NCOA2: variants seen among roughly 807,000 people sequenced by gnomAD.
NCOA2 encodes the protein nuclear receptor coactivator 2, also known as class E basic helix-loop-helix protein 75.
NCOA2 carries 21 observed loss-of-function variants against 145.1 expected under a neutral mutation model. The ratio of observed to expected loss-of-function variants is 0.14; its 90% CI spans 0.10 to 0.21. The LOEUF (loss-of-function observed/expected upper bound fraction) is 0.21, where lower values mean the gene tolerates loss of function less well. Ranked by LOEUF, NCOA2 falls within the 10% of genes least tolerant of loss-of-function variation. NCOA2 has a pLI of 1.00. For synonymous variants in NCOA2, 619 were observed against 637.5 expected (o/e 0.97, Z 0.44); for missense variants, 1,472 against 1,837.6 (o/e 0.80, Z 3.64).
chr8:70,163,765 T>A (rs533315202), intron 7 of NCOA2, among the ~76,000 whole-genome samples, 199 bp from the exon 8 acceptor site: 39 of 152,218 alleles, frequency 2.6e-4, no homozygotes, highest in African/African-American at 8.9e-4. Flanking sequence ...GGAGGGTGGC[T>A]GTGTAAGGAG....
the NCOA2 span, among the ~76,000 whole-genome samples, chr8:70,415,106 T>C: frequency 6.6e-6 from 1 of 152,156 alleles, no homozygotes; most frequent in Non-Finnish European, 1.5e-5. Context: ...AGTTTGAGGC[T>C]AGCCTGGGCA....
At chr8:70,420,503 G>A in the NCOA2 span, among the ~76,000 whole-genome samples, 1 of 152,104 alleles carries the variant, frequency 6.6e-6, no homozygotes, top group Non-Finnish European at 1.5e-5. Context: ...ATGTTCTAAG[G>A]GGCATGAAAA....
rs193148742 is a variant in NCOA2 at position 70,149,077 on chromosome 8, G to A, written c.2395-594C>T. On this transcript the variant is annotated intron_variant, in intron 11 of 22. Transcript: ENST00000452400. ...AAGCACTGCCTTTTCAATTTGAGTA[G>A]TCCTTTTTTTCTGCTTGGACTTTCA... Among the ~76,000 whole-genome samples the A allele has an allele frequency of 4.0e-5, 6 of 151,826 alleles. No homozygotes were observed. The East Asian group carries it at 1.2e-3, about 29-fold the overall frequency.
chr8:70,262,747 A>G (rs1824244633), intron 2 of NCOA2, among the ~76,000 whole-genome samples: 1 of 152,214 alleles, frequency 6.6e-6, no homozygotes. Flanking sequence ...CCTTGATGCA[A>G]TAGAGATTGT....
Position 70,159,242 on chromosome 8 carries a change from A to ATATATTTTT in NCOA2, c.1124+262_1124+263insAAAAATATA. ...TAACATTATATATATATATATATATATTTTTTTTTTTTTCCCCCAAATATT... is the reference window on the plus strand; with the variant it reads ...TAACATTATATATATATATATATATATATATTTTTTTTTTTTTTTTTTCCCCCAAATATT... On this transcript the variant is annotated intron_variant, in intron 10 of 22. Coordinates refer to ENST00000452400, the MANE Select transcript of NCOA2 (RefSeq NM_006540.4). Among the ~76,000 whole-genome samples the ATATATTTTT allele has an allele frequency of 3.7e-3, 226 of 61,076 alleles. 5 individuals carry two copies. The highest frequency in any genetic ancestry group is 5.8e-3 in the South Asian group (16 of 2,756). 40.1% of individuals were successfully genotyped at this position (61,076 alleles called of 152,430 possible). A position where few individuals can be genotyped will look rare whatever the true frequency, so the allele number is the denominator to read the frequency against.
intron 1 of NCOA2, among the ~76,000 whole-genome samples, chr8:70,313,563 C>G (rs1212609931): frequency 6.6e-6 from 1 of 152,156 alleles, no homozygotes; most frequent in Admixed American, 6.5e-5. Context: ...GCTCTAGTCT[C>G]AAACCTCACC....
At chr8:70,221,556 A>C (rs78815869) in intron 2 of NCOA2, among the ~76,000 whole-genome samples, 8,565 of 152,282 alleles carry the variant, frequency 0.056, 305 homozygotes, top group East Asian at 0.16. Flanking sequence ...AAAAGAAAGT[A>C]GGCCAAACTT....
chr8:70,190,369 A>G (rs1816550456), intron 4 of NCOA2, among the ~76,000 whole-genome samples: 2 of 152,362 alleles, frequency 1.3e-5, no homozygotes, highest in South Asian at 4.1e-4. Flanking sequence ...TAAAGAAACT[A>G]TGAGTCACTA....
chr8:70,403,249 C>G (rs1814534601), intron 1 of NCOA2, among the ~76,000 whole-genome samples: 1 of 151,378 alleles, frequency 6.6e-6, no homozygotes. Flanking sequence ...CGGTCTCCGC[C>G]GACCCCGCAC....
At chr8:70,226,412 T>A (rs1820641981) in intron 2 of NCOA2, among the ~76,000 whole-genome samples, 1 of 152,018 alleles carries the variant, frequency 6.6e-6, no homozygotes, top group African/African-American at 2.4e-5. Flanking sequence ...AAACTGTAAG[T>A]GTATGAATTG....
At chr8:70,215,082 C>A (rs1586131778) in intron 3 of NCOA2, among the ~76,000 whole-genome samples, 1 of 152,038 alleles carries the variant, frequency 6.6e-6, no homozygotes, top group African/African-American at 2.4e-5. Context: ...TCCAGGATCA[C>A]CCCACGAATT....
the NCOA2 span, among the ~76,000 whole-genome samples, chr8:70,420,252 T>C: frequency 6.6e-6 from 1 of 152,226 alleles, no homozygotes; most frequent in Non-Finnish European, 1.5e-5. Context: ...AGGCCAAGTC[T>C]TTTACTTTCC....
chr8:70,447,552 T>A, the NCOA2 span, among the ~76,000 whole-genome samples: 4,981 of 152,200 alleles, frequency 0.033, 263 homozygotes, highest in African/African-American at 0.11. Flanking sequence ...CACCGAAAAG[T>A]TGTTCCACAG....
At chr8:70,277,283 A>C (rs1825536290) in intron 2 of NCOA2, among the ~76,000 whole-genome samples, 2 of 152,336 alleles carry the variant, frequency 1.3e-5, no homozygotes, top group South Asian at 4.1e-4. Flanking sequence ...TTAACTGTCC[A>C]ATTTCCTTCT....
At chr8:70,361,229 T>C (rs544163393) in intron 1 of NCOA2, among the ~76,000 whole-genome samples, 11 of 152,196 alleles carry the variant, frequency 7.2e-5, no homozygotes, top group African/African-American at 2.4e-4. Flanking sequence ...ATGAAAATGA[T>C]TGAGGGCCCA....
At chr8:70,340,146 A>T (rs1363006816) in intron 1 of NCOA2, among the ~76,000 whole-genome samples, 1 of 152,220 alleles carries the variant, frequency 6.6e-6, no homozygotes, top group Admixed American at 6.5e-5. Flanking sequence ...CATCAGAGTA[A>T]ACAGACAACC....
intron 1 of NCOA2, among the ~76,000 whole-genome samples, chr8:70,367,510 A>G (rs1012159342): frequency 6.6e-6 from 1 of 152,188 alleles, no homozygotes; most frequent in Non-Finnish European, 1.5e-5. Context: ...TGCTGAGAGT[A>G]TAACATAGAT....
At chr8:70,148,186 C>T (rs906202329) in intron 12 of NCOA2, 87 bp downstream of exon 12, 11 of 1,320,834 alleles carry the variant, frequency 8.3e-6, no homozygotes, top group Non-Finnish European at 1.1e-5. Context: ...AGTGACTAAG[C>T]TGGTTGCATC....
At chr8:70,259,498 T>C (rs897387457) in intron 2 of NCOA2, among the ~76,000 whole-genome samples, 1 of 152,220 alleles carries the variant, frequency 6.6e-6, no homozygotes, top group Non-Finnish European at 1.5e-5. Flanking sequence ...AATTATTTTG[T>C]TATACTTCAA....
Sources: allele counts gnomAD v4.1 joint callset (sites outside exome capture counted in the v4.1 genomes callset), GRCh38; gene constraint gnomAD v4.1.1; transcripts MANE v1.5; gene names NCBI Gene and HGNC (gene_info 2026-07-23, HGNC 2026-07-21).